ANXA11: variants seen among roughly 807,000 people sequenced by gnomAD.
ANXA11 encodes the protein 56 kDa autoantigen.
Under a neutral mutation model 64.7 loss-of-function variants are expected in ANXA11, and 57 were observed. The observed-to-expected ratio is 0.88, with a 90% CI of 0.71 to 1.10. The LOEUF (loss-of-function observed/expected upper bound fraction) is 1.10, where lower values mean the gene tolerates loss of function less well. Ranked by LOEUF, ANXA11 falls within the 50% of genes least tolerant of loss-of-function variation. The pLI is 0.00. For synonymous variants in ANXA11, 260 were observed against 265.2 expected (o/e 0.98, Z 0.19); for missense variants, 675 against 670.7 (o/e 1.01, Z -0.07).
At chr10:80,202,864 G>A (rs183102180) in intron 1 of ANXA11, among the ~76,000 whole-genome samples, 66 of 152,046 alleles carry the variant, frequency 4.3e-4, no homozygotes, top group African/African-American at 1.5e-3. Context: ...TGGCCAACAT[G>A]GTGAAGCCCC....
chr10:80,157,937 C>T, intron 14 of ANXA11, 30 bp downstream of exon 14: 1 of 1,611,966 alleles, frequency 6.2e-7, no homozygotes, highest in Non-Finnish European at 8.5e-7. Flanking sequence ...GCTAAGGTTC[C>T]ATCGCAACCT....
At chr10:80,194,564 G>T (rs187290878) in intron 1 of ANXA11, among the ~76,000 whole-genome samples, 158 of 152,216 alleles carry the variant, frequency 1.0e-3, no homozygotes, top group Non-Finnish European at 1.6e-3. Context: ...GTGTTCCCTG[G>T]CAGTGGAGCA....
chr10:80,171,749 T>C, intron 3 of ANXA11: 1 of 985,510 alleles, frequency 1.0e-6, no homozygotes, highest in South Asian at 4.7e-5. Flanking sequence ...GGAAGAACCT[T>C]CCCTAAATTT....
intron 12 of ANXA11, among the ~76,000 whole-genome samples, chr10:80,161,181 C>T (rs1845488339): frequency 6.6e-6 from 1 of 152,186 alleles, no homozygotes; most frequent in Admixed American, 6.5e-5. Flanking sequence ...GGGCCCTCTC[C>T]CCTCTCTGCC....
In ANXA11 at chr10:80,158,036, G is replaced by A. The variant is rs1845347485; in HGVS notation, c.1277-11C>T. On this transcript the variant is annotated splice_polypyrimidine_tract_variant and intron_variant, in intron 13 of 15. Transcript: ENST00000422982. The stretch of plus-strand genomic sequence containing the variant: ...TCTTGAGACATTTCACTAGAAGAGA[G>A]AAACTCGGCATAACCAGATCTGCAG... 1 of 1,613,918 alleles carries A rather than the reference G, an allele frequency of 6.2e-7. No individual in the cohort carries two copies. Among genetic ancestry groups the A allele is most frequent in the Non-Finnish European group, 8.5e-7 (1 of 1,179,832 alleles).
intron 1 of ANXA11, among the ~76,000 whole-genome samples, chr10:80,197,931 A>C (rs1267021266): frequency 6.6e-6 from 1 of 152,008 alleles, no homozygotes; most frequent in African/African-American, 2.4e-5. Context: ...CTCAAAAAAA[A>C]AAAAATAACC....
At chr10:80,177,467 T>C (rs10887581) in intron 1 of ANXA11, among the ~76,000 whole-genome samples, 52,765 of 151,954 alleles carry the variant, frequency 0.35, 9,458 homozygotes, top group African/African-American at 0.4. Context: ...GTTCTGCCCA[T>C]TGCTCCAGTC....
At chr10:80,201,967 C>T (rs1247594428) in intron 1 of ANXA11, among the ~76,000 whole-genome samples, 1 of 152,174 alleles carries the variant, frequency 6.6e-6, no homozygotes, top group Non-Finnish European at 1.5e-5. Flanking sequence ...ATTTCCTTTC[C>T]TTCTTTTCTG....
chr10:80,163,684 C>A (rs1259006270), intron 9 of ANXA11, 71 bp from the exon 10 acceptor site: 1 of 1,404,050 alleles, frequency 7.1e-7, no homozygotes, highest in East Asian at 2.5e-5. Context: ...AAAACACTAT[C>A]AAAAGTGGGT....
intron 1 of ANXA11, among the ~76,000 whole-genome samples, chr10:80,196,720 ACCATATTTTC>A (rs1840186677): frequency 6.6e-6 from 1 of 152,168 alleles, no homozygotes; most frequent in Non-Finnish European, 1.5e-5. Context: ...ACCAACCCTG[ACCATATTTTC>A]CCAGGCACTA....
Position 80,166,074 on chromosome 10 carries a change from A to T in ANXA11, c.858+10T>A. On this transcript the variant is annotated intron_variant, in intron 8 of 15. Transcript: ENST00000422982. ...CACACACACACACACACACACACAC[A>T]CGTACACACCTTGATGGCTTCCTTT... is the stretch of plus-strand genomic sequence containing the variant. The T allele has an allele frequency of 6.9e-7, 1 of 1,456,698 alleles. No homozygotes were observed. Among genetic ancestry groups the T allele is most frequent in the Non-Finnish European group, 9.6e-7 (1 of 1,040,516 alleles). The allele number at this position is 1,456,698 out of a possible 1,614,324, so 90.2% of individuals were successfully genotyped here.
At chr10:80,173,676 T>C (rs1224340933) in intron 2 of ANXA11, among the ~76,000 whole-genome samples, 1 of 152,320 alleles carries the variant, frequency 6.6e-6, no homozygotes, top group African/African-American at 2.4e-5. Context: ...ACCAGCCACA[T>C]TGTGCAACCT....
At position 80,153,939 on chromosome 10, in the gene ANXA11, T is replaced by G. The variant is rs1845201966; in HGVS notation, c.*1914A>C. 1 of 152,240 alleles carries G rather than the reference T, an allele frequency of 6.6e-6. No homozygotes were observed. The highest frequency in any genetic ancestry group is 2.4e-5 in the African/African-American group (1 of 41,450). 9.4% of individuals were successfully genotyped at this position (152,240 alleles called of 1,614,324 possible). On this transcript the variant is annotated 3_prime_UTR_variant, in exon 16 of 16. Transcript: ENST00000422982. ...TCTCTCTGGATTCTCCCATTTCTTT[T>G]TGTTTTTTTCTCATTTGAGACAAGG... is the stretch of plus-strand genomic sequence containing the variant.
intron 5 of ANXA11, among the ~76,000 whole-genome samples, chr10:80,168,451 A>G (rs1845834750): frequency 6.6e-6 from 1 of 152,154 alleles, no homozygotes; most frequent in African/African-American, 2.4e-5. Context: ...GAAACAGGAC[A>G]GCTCCCTTGG....
At chr10:80,157,338 G>C in intron 15 of ANXA11, 2 of 985,426 alleles carry the variant, frequency 2.0e-6, no homozygotes, top group Non-Finnish European at 2.4e-6. Flanking sequence ...AGTTCTCACT[G>C]ACAGATCAAG....
chr10:80,164,657 T>C (rs937810394), intron 8 of ANXA11, among the ~76,000 whole-genome samples: 5 of 152,240 alleles, frequency 3.3e-5, no homozygotes, highest in South Asian at 4.1e-4. Flanking sequence ...AGTAAGACCA[T>C]AGAGGACAGG....
intron 1 of ANXA11, among the ~76,000 whole-genome samples, chr10:80,193,536 T>G (rs1234181576): frequency 1.3e-5 from 2 of 152,128 alleles, no homozygotes; most frequent in Non-Finnish European, 2.9e-5. Flanking sequence ...CTTTATCATC[T>G]AACTTTAGAA....
chr10:80,200,172 T>C (rs1260297087), intron 1 of ANXA11, among the ~76,000 whole-genome samples: 1 of 152,186 alleles, frequency 6.6e-6, no homozygotes. Flanking sequence ...TGGGAACCAT[T>C]AGGACAGCCA....
At chr10:80,194,927 C>G (rs1846923231) in intron 1 of ANXA11, among the ~76,000 whole-genome samples, 1 of 152,210 alleles carries the variant, frequency 6.6e-6, no homozygotes, top group Admixed American at 6.5e-5. Flanking sequence ...TTGCAGGAAT[C>G]TGCATTTGTG....
Sources: gnomAD v4.1 joint callset for allele counts (sites outside exome capture counted in the v4.1 genomes callset) on GRCh38, gnomAD v4.1.1 for gene constraint, MANE v1.5 for transcripts, NCBI Gene and HGNC (gene_info 2026-07-23, HGNC 2026-07-21) for gene names.